Variants in STK3 observed in about 807,000 individuals in gnomAD.
STK3 encodes serine/threonine-protein kinase 3.
STK3 carries 41 observed loss-of-function variants against 58.0 expected under a neutral mutation model. The ratio of observed to expected loss-of-function variants is 0.71; its 90% CI spans 0.55 to 0.92. STK3 has a LOEUF of 0.92. Ranked by LOEUF, STK3 falls within the 40% of genes least tolerant of loss-of-function variation. The pLI is 0.00. For missense variants in STK3, 479 were observed against 602.7 expected (o/e 0.79, Z 2.15); for synonymous variants, 170 against 191.0 (o/e 0.89, Z 0.91).
chr8:98,880,675 T>A (rs1837759139), downstream of STK3: 1 of 151,920 alleles, frequency 6.6e-6, no homozygotes, highest in Admixed American at 6.6e-5. Context: ...CATGAAAAGA[T>A]CTCACTTCAC....
chr8:98,580,899 C>T (rs968994322), intron 7 of STK3, among the ~76,000 whole-genome samples: 3 of 152,048 alleles, frequency 2.0e-5, no homozygotes, highest in Non-Finnish European at 4.4e-5. Context: ...TCATTTGGGA[C>T]AACTATAAGA....
intron 1 of STK3, among the ~76,000 whole-genome samples, chr8:98,940,255 G>A (rs1486848558): frequency 1.3e-5 from 2 of 152,242 alleles, no homozygotes; most frequent in African/African-American, 4.8e-5. Context: ...CAGGGTCGCG[G>A]AGGCATCTTG....
intron 3 of STK3, among the ~76,000 whole-genome samples, chr8:98,840,580 A>AATGT (rs1218713148): frequency 1.3e-5 from 1 of 77,120 alleles, no homozygotes; most frequent in Non-Finnish European, 2.5e-5. Context: ...TCAAGAAAAA[A>AATGT]ATGTATATAT....
At position 98,469,181 on chromosome 8, in the gene STK3, T is replaced by C. The variant is rs566785496; in HGVS notation, c.1318-13181A>G. ...TTACTTCCAAAAGGCTGAGTAAACA[T>C]TGATTACAAACTAAAATTTTCACAC... On this transcript the variant is annotated intron_variant, in intron 10 of 10. Coordinates refer to ENST00000419617, the MANE Select transcript of STK3 (RefSeq NM_006281.4). Among the ~76,000 whole-genome samples, 3 of 147,534 alleles carry C rather than the reference T, an allele frequency of 2.0e-5. No individual in the cohort carries two copies. The South Asian group carries it at 6.4e-4, about 31-fold the overall frequency.
chr8:98,387,966 A>G (rs1401089774), intron 1 of STK3, among the ~76,000 whole-genome samples: 1 of 151,986 alleles, frequency 6.6e-6, no homozygotes, highest in Non-Finnish European at 1.5e-5. Context: ...AATCACAACA[A>G]AATGACCCAG....
intron 1 of STK3, among the ~76,000 whole-genome samples, chr8:98,896,022 G>A (rs186243937): frequency 1.2e-3 from 178 of 152,228 alleles, no homozygotes; most frequent in African/African-American, 4.1e-3. Flanking sequence ...TCTGAGATGA[G>A]CACGATTTCA....
At chr8:98,389,757 C>A (rs571048178), upstream of STK3, among the ~76,000 whole-genome samples, 1 of 149,440 alleles carries the variant, frequency 6.7e-6, no homozygotes, top group Non-Finnish European at 1.5e-5. Flanking sequence ...AGTGGCCACC[C>A]CTAGACCAAC....
At chr8:98,404,430 C>T (rs1817973923) in intron 3 of STK3, among the ~76,000 whole-genome samples, 1 of 152,076 alleles carries the variant, frequency 6.6e-6, no homozygotes. Flanking sequence ...CCTGTAACCC[C>T]AGCACTTTGG....
intron 6 of STK3, among the ~76,000 whole-genome samples, chr8:98,606,674 C>T (rs1284816832): frequency 1.3e-5 from 2 of 152,184 alleles, no homozygotes; most frequent in Admixed American, 6.5e-5. Context: ...AAACTCTGTA[C>T]ATCTAGGCTT....
intron 1 of STK3, among the ~76,000 whole-genome samples, chr8:98,887,441 ATT>A (rs1838033575): frequency 6.6e-6 from 1 of 152,216 alleles, no homozygotes; most frequent in South Asian, 2.1e-4. Context: ...ATTTTGGATA[ATT>A]AATACTCAAC....
chr8:98,436,064 G>A (rs1353169939), intron 2 of STK3, among the ~76,000 whole-genome samples: 1 of 152,060 alleles, frequency 6.6e-6, no homozygotes, highest in Non-Finnish European at 1.5e-5. Flanking sequence ...TTTCCTAATA[G>A]CCAAATTCAG....
chr8:98,590,638 G>T (rs974651854), intron 7 of STK3, among the ~76,000 whole-genome samples: 5 of 152,228 alleles, frequency 3.3e-5, no homozygotes, highest in Non-Finnish European at 5.9e-5. Flanking sequence ...GCACGTCCGT[G>T]TGAAGAGACC....
chr8:98,871,571 T>C (rs1837382514), intron 3 of STK3, among the ~76,000 whole-genome samples: 3 of 152,186 alleles, frequency 2.0e-5, no homozygotes, highest in Non-Finnish European at 2.9e-5. Flanking sequence ...CCCTTGTAAG[T>C]TGGATTCCTA....
intron 7 of STK3, among the ~76,000 whole-genome samples, chr8:98,581,379 A>G (rs942203163): frequency 2.0e-5 from 3 of 152,116 alleles, no homozygotes; most frequent in South Asian, 4.2e-4. Context: ...GTATAAGTCT[A>G]GGCTCCCACA....
At chr8:98,767,783 T>C (rs564794758) in intron 2 of STK3, among the ~76,000 whole-genome samples, 1 of 152,228 alleles carries the variant, frequency 6.6e-6, no homozygotes, top group African/African-American at 2.4e-5. Context: ...GTCACACTTC[T>C]GTTCAGAGTA....
chr8:98,517,119 T>C (rs1276329295), intron 10 of STK3, among the ~76,000 whole-genome samples: 1 of 152,058 alleles, frequency 6.6e-6, no homozygotes, highest in Admixed American at 6.6e-5. Flanking sequence ...CAGTAAGGTA[T>C]CTTTTTTCCA....
intron 3 of STK3, chr8:98,412,933 C>A: frequency 3.8e-6 from 1 of 265,524 alleles, no homozygotes; most frequent in Non-Finnish European, 7.2e-6. Flanking sequence ...TAATTTTTCA[C>A]TTTCACCATC....
chr8:98,929,386 G>A (rs1186743676), intron 1 of STK3, among the ~76,000 whole-genome samples: 1 of 152,224 alleles, frequency 6.6e-6, no homozygotes, highest in Non-Finnish European at 1.5e-5. Flanking sequence ...GACCAGATGT[G>A]CTGGCCCATG....
intron 3 of STK3, among the ~76,000 whole-genome samples, chr8:98,871,196 G>A (rs1483827952): frequency 6.6e-6 from 1 of 152,074 alleles, no homozygotes; most frequent in Non-Finnish European, 1.5e-5. Flanking sequence ...CTGTTCCATT[G>A]GTCCATATCT....
Sources: gnomAD v4.1 joint callset for allele counts (sites outside exome capture counted in the v4.1 genomes callset) on GRCh38, gnomAD v4.1.1 for gene constraint, MANE v1.5 for transcripts, NCBI Gene and HGNC (gene_info 2026-07-23, HGNC 2026-07-21) for gene names.